Variants in PKD1L1 observed in about 807,000 individuals in gnomAD.
PKD1L1 encodes polycystin-1-like protein 1.
Under a neutral mutation model 323.4 loss-of-function variants are expected in PKD1L1, and 236 were observed. The ratio of observed to expected loss-of-function variants is 0.73; its 90% CI spans 0.66 to 0.81. The LOEUF (loss-of-function observed/expected upper bound fraction) is 0.81, where lower values mean the gene tolerates loss of function less well. Among genes scored for constraint, PKD1L1 ranks in the 40% least tolerant of loss-of-function variants. The probability of loss-of-function intolerance (pLI) is 0.00; values close to 1 mark genes in which losing one functional copy is unlikely to be tolerated. For synonymous variants in PKD1L1, 1,344 were observed against 1,335.0 expected (o/e 1.01, Z -0.15); for missense variants, 3,320 against 3,508.0 (o/e 0.95, Z 1.35).
At chr7:47,960,435 T>TAATATCA in the PKD1L1 span, among the ~76,000 whole-genome samples, 1 of 142,306 alleles carries the variant, frequency 7.0e-6, no homozygotes, top group African/African-American at 2.6e-5. Flanking sequence ...TTTACAGCTG[T>TAATATCA]AATATCAAAT....
intron 31 of PKD1L1, among the ~76,000 whole-genome samples, chr7:47,850,078 G>A (rs566689057): frequency 5.3e-5 from 8 of 152,178 alleles, no homozygotes; most frequent in Middle Eastern, 3.4e-3. Flanking sequence ...TATACTGCTC[G>A]GGTGATGGGT....
rs1295105856 is a variant in PKD1L1, at chr7:47,860,463, T to C, written c.4150-1578A>G. On this transcript the variant is annotated intron_variant, in intron 26 of 56. Coordinates refer to ENST00000289672, the MANE Select transcript of PKD1L1 (RefSeq NM_138295.5). ...CATGAAATGAAACTGAGATTCTGTT[T>C]TCTATTGGCCAGGCTTATTTAACCA... 2.6e-5 allele frequency among the ~76,000 whole-genome samples: 4 copies of C among 152,182 alleles called. No homozygotes were observed. The East Asian group carries it at 7.7e-4, about 29-fold the overall frequency.
At chr7:47,886,562 C>T (rs1202589459) in intron 17 of PKD1L1, among the ~76,000 whole-genome samples, 1 of 152,060 alleles carries the variant, frequency 6.6e-6, no homozygotes, top group Non-Finnish European at 1.5e-5. Flanking sequence ...GACTTAGTGC[C>T]CTCCTCGCTG....
At chr7:47,940,371 T>C in intron 2 of PKD1L1, 54 bp from the exon 3 acceptor site, 1 of 1,570,584 alleles carries the variant, frequency 6.4e-7, no homozygotes. Flanking sequence ...GCTGGGAAGG[T>C]GAGAACATAA....
At chr7:47,903,611 T>TG in intron 12 of PKD1L1, among the ~76,000 whole-genome samples, 1 of 152,320 alleles carries the variant, frequency 6.6e-6, no homozygotes, top group Middle Eastern at 3.4e-3. Context: ...ATGGAAATCT[T>TG]GCATTGGAGG....
intron 7 of PKD1L1, among the ~76,000 whole-genome samples, chr7:47,919,117 G>A (rs1245569063): frequency 1.3e-5 from 2 of 152,016 alleles, no homozygotes; most frequent in African/African-American, 4.8e-5. Context: ...AAAATTGATG[G>A]ACCATTAGCA....
At chr7:47,910,565 C>G (rs1280024423) in intron 8 of PKD1L1, among the ~76,000 whole-genome samples, 3 of 152,030 alleles carry the variant, frequency 2.0e-5, no homozygotes, top group African/African-American at 7.3e-5. Flanking sequence ...GTCTCGATCT[C>G]CCAACCTCAT....
chr7:47,870,638 A>T lies in PKD1L1; in HGVS notation c.3896+3261T>A, dbSNP rs77888908. ...TCCACAAAGAAAATGCCAGGTCCAAATAACTTTGCTGGTAAATGTTTATAG... is the reference window on the plus strand; with the variant it reads ...TCCACAAAGAAAATGCCAGGTCCAATTAACTTTGCTGGTAAATGTTTATAG... On this transcript the variant is annotated intron_variant, in intron 24 of 56. Coordinates refer to ENST00000289672, the MANE Select transcript of PKD1L1 (RefSeq NM_138295.5). Among the ~76,000 whole-genome samples, 11 of 152,338 alleles carry T rather than the reference A, an allele frequency of 7.2e-5. No individual in the cohort carries two copies. The East Asian group carries it at 1.9e-3, about 27-fold the overall frequency.
At chr7:47,941,058 G>A (rs1787976411) in intron 2 of PKD1L1, among the ~76,000 whole-genome samples, 2 of 152,244 alleles carry the variant, frequency 1.3e-5, no homozygotes, top group African/African-American at 4.8e-5. Context: ...ACCTGGCCCT[G>A]CACAGAGCCA....
chr7:47,812,509 T>G (rs536142757), intron 49 of PKD1L1, among the ~76,000 whole-genome samples: 1 of 152,324 alleles, frequency 6.6e-6, no homozygotes, highest in South Asian at 2.1e-4. Context: ...TAAAGAGTAT[T>G]ACTCAAAGGC....
Position 47,859,869 on chromosome 7 carries a change from C to A in PKD1L1, c.4150-984G>T, listed in dbSNP as rs1785988268. ...GATCTTGAACTCCAGACCTCATGAT[C>A]CACCCGCCTCGGCTTCCCAAAGTGC... On this transcript the variant is annotated intron_variant, in intron 26 of 56. Transcript: ENST00000289672. Among the ~76,000 whole-genome samples, 4 of 152,024 alleles carry A rather than the reference C, an allele frequency of 2.6e-5. No homozygotes were observed. The South Asian group carries it at 8.3e-4, about 32-fold the overall frequency.
At chr7:47,824,726 C>T (rs1410338418) in intron 45 of PKD1L1, among the ~76,000 whole-genome samples, 2 of 152,192 alleles carry the variant, frequency 1.3e-5, no homozygotes, top group Non-Finnish European at 2.9e-5. Context: ...TACCCGCTTT[C>T]CTCTACCTGG....
At chr7:47,902,357 A>C in intron 13 of PKD1L1, 22 bp downstream of exon 13, 9 of 1,611,504 alleles carry the variant, frequency 5.6e-6, no homozygotes, top group African/African-American at 2.7e-5. Context: ...CTGGTGGAGG[A>C]TTTCCCAGAC....
intron 1 of PKD1L1, among the ~76,000 whole-genome samples, chr7:47,945,840 T>G (rs1465730183): frequency 1.3e-5 from 2 of 152,014 alleles, no homozygotes; most frequent in South Asian, 2.1e-4. Context: ...AACTTCCAAG[T>G]GCTACACACA....
intron 19 of PKD1L1, among the ~76,000 whole-genome samples, chr7:47,883,378 G>C (rs1437346016): frequency 6.6e-6 from 1 of 152,142 alleles, no homozygotes; most frequent in African/African-American, 2.4e-5. Flanking sequence ...ACCACCCTTA[G>C]GCCTAGGATC....
At chr7:47,847,112 T>C (rs1785683439) in intron 31 of PKD1L1, 41 bp from the exon 32 acceptor site, 1 of 1,473,650 alleles carries the variant, frequency 6.8e-7, no homozygotes. Flanking sequence ...AACCTGAGGT[T>C]TGCAGAAAGG....
chr7:47,948,600 T>C, upstream of PKD1L1: 1 of 631,046 alleles, frequency 1.6e-6, no homozygotes, highest in Non-Finnish European at 2.8e-6. Context: ...CAAACTCCAG[T>C]AACATTTTCC....
chr7:47,847,229 C>T (rs1042880343), intron 31 of PKD1L1, among the ~76,000 whole-genome samples, 158 bp from the exon 32 acceptor site: 1 of 152,122 alleles, frequency 6.6e-6, no homozygotes, highest in Non-Finnish European at 1.5e-5. Context: ...TTCCTGTCCC[C>T]GAAGCATTTA....
chr7:47,942,368 TAAGAATTGCAA>T (rs1788005110), intron 2 of PKD1L1, among the ~76,000 whole-genome samples: 2 of 152,078 alleles, frequency 1.3e-5, no homozygotes, highest in South Asian at 4.2e-4. Flanking sequence ...GATCTTAACA[TAAGAATTGCAA>T]AAGAATTGGC....
Sources: allele counts gnomAD v4.1 joint callset (sites outside exome capture counted in the v4.1 genomes callset), GRCh38; gene constraint gnomAD v4.1.1; transcripts MANE v1.5; gene names NCBI Gene and HGNC (gene_info 2026-07-23, HGNC 2026-07-21).